Variants in FBH1 observed in about 807,000 individuals in gnomAD.
FBH1 encodes the protein F-box DNA helicase 1.
In FBH1, 43 loss-of-function variants were observed where a neutral mutation model predicts 115.5. The observed-to-expected ratio is 0.37, with a 90% CI of 0.29 to 0.48. The LOEUF (loss-of-function observed/expected upper bound fraction) is 0.48. FBH1 is among the 20% of genes least tolerant of loss of function. FBH1 has a pLI of 0.99. For synonymous variants in FBH1, 524 were observed against 507.8 expected (o/e 1.03, Z -0.43); for missense variants, 1,001 against 1,337.3 (o/e 0.75, Z 3.92).
chr10:5,898,224 C>T (rs1843124262), intron 1 of FBH1, among the ~76,000 whole-genome samples: 1 of 152,192 alleles, frequency 6.6e-6, no homozygotes, highest in South Asian at 2.1e-4. Flanking sequence ...GGCTGGAAGT[C>T]TAAGATCGAG....
At chr10:5,905,452 T>C (rs1843634105) in intron 2 of FBH1, among the ~76,000 whole-genome samples, 1 of 152,060 alleles carries the variant, frequency 6.6e-6, no homozygotes, top group Non-Finnish European at 1.5e-5. Context: ...TGGGAGGTGG[T>C]GGTTGCAGTG....
At chr10:5,930,202 TATC>T (rs1205008550) in intron 19 of FBH1, among the ~76,000 whole-genome samples, 2 of 152,346 alleles carry the variant, frequency 1.3e-5, no homozygotes, top group African/African-American at 4.8e-5. Flanking sequence ...TTATAAATGT[TATC>T]ATATGTGGCC....
At position 5,933,642 on chromosome 10, in the gene FBH1, G is replaced by GTT. The variant is rs371766916; in HGVS notation, c.2830-2799_2830-2798dup. On this transcript the variant is annotated intron_variant, in intron 19 of 20. Coordinates refer to ENST00000362091, the MANE Select transcript of FBH1 (RefSeq NM_178150.3). The surrounding 1 kb of genome is among the most constrained non-coding windows in gnomAD (Gnocchi z 4.9). ...TTGTTAGAAGTGGAGGCACTCTGCT[G>GTT]TTTTTTTTTTTTTTTTAAAAAACAG... is the stretch of plus-strand genomic sequence containing the variant. Among the ~76,000 whole-genome samples the GTT allele has an allele frequency of 2.6e-3, 372 of 143,388 alleles. 3 individuals carry two copies. Among genetic ancestry groups the GTT allele is most frequent in the African/African-American group, 8.6e-3 (339 of 39,620 alleles). 94.1% of individuals were successfully genotyped at this position (143,388 alleles called of 152,430 possible).
rs146670441 is a variant in FBH1, at chr10:5,906,431, T to A, written c.552T>A (p.Ala184=). Reference sequence around the variant, plus strand: ...AGTCTGGTGAAACCGACCAAGATGCTGGGGACGTGGGTCCTGATCCCATTC... The same window carrying A: ...AGTCTGGTGAAACCGACCAAGATGCAGGGGACGTGGGTCCTGATCCCATTC... ...SAESGETDQD[A]GDVGPDPIPD... Residue 184 remains alanine, a synonymous_variant, in exon 3 of 21, where the codon GCT becomes GCA. Transcript: ENST00000362091. The surrounding 1 kb of genome is among the most constrained non-coding windows in gnomAD (Gnocchi z 7.3). 6.2e-7 allele frequency: 1 copy of A among 1,614,190 alleles called. No homozygotes were observed. Among genetic ancestry groups the A allele is most frequent in the East Asian group, 2.2e-5 (1 of 44,886 alleles).
At position 5,914,419 on chromosome 10, in the gene FBH1, A is replaced by G. The variant is rs1298101000; in HGVS notation, c.1396+150A>G. Reference sequence around the variant, plus strand: ...GATCAAATAATCAATCTCAAAAGCAATTGGCCAAGGAATACTTACTTCCCC... The same window carrying G: ...GATCAAATAATCAATCTCAAAAGCAGTTGGCCAAGGAATACTTACTTCCCC... On this transcript the variant is annotated intron_variant, in intron 8 of 20. Coordinates refer to ENST00000362091, the MANE Select transcript of FBH1 (RefSeq NM_178150.3). This position sits in a 1 kb window ranked among gnomAD's most constrained non-coding sequence, Gnocchi z 5.2. 1 of 704,870 alleles carries G rather than the reference A, an allele frequency of 1.4e-6. No individual in the cohort carries two copies. Among genetic ancestry groups the G allele is most frequent in the Non-Finnish European group, 2.4e-6 (1 of 410,600 alleles). The allele number at this position is 704,870 out of a possible 1,614,324, so 43.7% of individuals were successfully genotyped here. A position where few individuals can be genotyped will look rare whatever the true frequency, so the allele number is the denominator to read the frequency against.
In FBH1 at chr10:5,936,518, C is replaced by T. The variant is rs376657323; in HGVS notation, c.2892C>T (p.Cys964=). ...NVLKTGVVRC[C]VGQCNNAIPV... ...TAAAAACAGGCGTGGTGCGCTGCTG[C>T]GTGGGACAGTGCAACAATGCCATCC... Residue 964 remains cysteine, a synonymous_variant, in exon 20 of 21, where the codon TGC becomes TGT. Coordinates refer to ENST00000362091, the MANE Select transcript of FBH1 (RefSeq NM_178150.3). This position sits in a 1 kb window ranked among gnomAD's most constrained non-coding sequence, Gnocchi z 5.6. 9.9e-6 allele frequency: 16 copies of T among 1,613,996 alleles called. No individual in the cohort carries two copies. Among genetic ancestry groups the T allele is most frequent in the Admixed American group, 6.7e-5 (4 of 60,000 alleles).
In FBH1 at chr10:5,895,230, C is replaced by T. The variant is rs1842942654; in HGVS notation, c.1+4884C>T. The T allele has an allele frequency of 6.3e-7, 1 of 1,577,780 alleles. No individual in the cohort carries two copies. The highest frequency in any genetic ancestry group is 1.1e-5 in the South Asian group (1 of 87,764). On this transcript the variant is annotated intron_variant, in intron 1 of 20. Coordinates refer to ENST00000362091, the MANE Select transcript of FBH1 (RefSeq NM_178150.3). The surrounding 1 kb of genome is among the most constrained non-coding windows in gnomAD (Gnocchi z 5.0). ...AACTGACCAGGGCGGTTAGCTGACT[C>T]CAAAATTGTCCAGATTAGCAAAACT...
chr10:5,895,214 G>T lies in FBH1; in HGVS notation c.1+4868G>T. 1 of 1,599,742 alleles carries T rather than the reference G, an allele frequency of 6.3e-7. No individual in the cohort carries two copies. The highest frequency in any genetic ancestry group is 8.5e-7 in the Non-Finnish European group (1 of 1,171,034). ...TAAGAGGCATGTGGGAAACTGACCA[G>T]GGCGGTTAGCTGACTCCAAAATTGT... On this transcript the variant is annotated intron_variant, in intron 1 of 20. Coordinates refer to ENST00000362091, the MANE Select transcript of FBH1 (RefSeq NM_178150.3). This position sits in a 1 kb window ranked among gnomAD's most constrained non-coding sequence, Gnocchi z 5.0.
rs1444489262 is a variant in FBH1, at chr10:5,909,352, TG to T, written c.1020+60del. 2 of 1,552,942 alleles carry T rather than the reference TG, an allele frequency of 1.3e-6. No homozygotes were observed. The highest frequency in any genetic ancestry group is 2.7e-5 in the African/African-American group (2 of 73,302). On this transcript the variant is annotated intron_variant, in intron 5 of 20. Coordinates refer to ENST00000362091, the MANE Select transcript of FBH1 (RefSeq NM_178150.3). The surrounding 1 kb of genome is among the most constrained non-coding windows in gnomAD (Gnocchi z 4.4). ...GTTATTTCACTGGAGGAAAGTGTACTGGTGATTCAGTTCAATTGAGGATGAC... is the reference window on the plus strand; with the variant it reads ...GTTATTTCACTGGAGGAAAGTGTACTGTGATTCAGTTCAATTGAGGATGAC...
rs979175353 is a variant in FBH1, at chr10:5,911,857, A to C, written c.1211+729A>C. Among the ~76,000 whole-genome samples the C allele has an allele frequency of 6.6e-6, 1 of 152,178 alleles. No homozygotes were observed. Among genetic ancestry groups the C allele is most frequent in the African/African-American group, 2.4e-5 (1 of 41,426 alleles). On this transcript the variant is annotated intron_variant, in intron 6 of 20. Transcript: ENST00000362091. This position sits in a 1 kb window ranked among gnomAD's most constrained non-coding sequence, Gnocchi z 5.4. ...AGCTTCTCTGAGCAGGTAGTGTCTG[A>C]GTGAAACCTGAGTGTGGAGGAGGAA...
rs1833072157 is a variant in FBH1, at chr10:5,933,263, C to T, written c.2830-3193C>T. Among the ~76,000 whole-genome samples, 1 of 152,122 alleles carries T rather than the reference C, an allele frequency of 6.6e-6. No homozygotes were observed. The highest frequency in any genetic ancestry group is 6.5e-5 in the Admixed American group (1 of 15,278). Reference sequence around the variant, plus strand: ...ATTAGCTGGGTGTAGTGGCGTATGCCTGTAATCCCAGCTACTCAGGAGGCT... The same window carrying T: ...ATTAGCTGGGTGTAGTGGCGTATGCTTGTAATCCCAGCTACTCAGGAGGCT... On this transcript the variant is annotated intron_variant, in intron 19 of 20. Transcript: ENST00000362091. The surrounding 1 kb of genome is among the most constrained non-coding windows in gnomAD (Gnocchi z 4.9).
chr10:5,928,993 C>T (rs1198884542), intron 19 of FBH1, among the ~76,000 whole-genome samples: 2 of 152,180 alleles, frequency 1.3e-5, no homozygotes, highest in Admixed American at 6.5e-5. Flanking sequence ...GGGGTTGAAC[C>T]ACAGGGTGCA....
Position 5,924,403 on chromosome 10 carries a change from A to G in FBH1, c.2491A>G (p.Lys831Glu). ...GAGGTATGTGACCGCTGCCGAGGAC[A>G]AGGAGCTTGAAGCCAAGATCGCAGT... Reference protein sequence around the residue: ...FKRYVTAAEDKELEAKIAVVE... With the variant: ...FKRYVTAAEDEELEAKIAVVE... Residue 831 changes from lysine (K) to glutamate (E), a missense_variant, in exon 17 of 21, where the codon AAG becomes GAG. By Grantham distance (56) the Lys-to-Glu change is moderately conservative (BLOSUM62 1). This residue lies in a region of FBH1 where 521 missense variants were observed against 811.0 expected (regional missense o/e 0.64). Coordinates refer to ENST00000362091, the MANE Select transcript of FBH1 (RefSeq NM_178150.3). The surrounding 1 kb of genome is among the most constrained non-coding windows in gnomAD (Gnocchi z 6.2). The G allele has an allele frequency of 2.5e-6, 4 of 1,614,234 alleles. No homozygotes were observed. The highest frequency in any genetic ancestry group is 3.4e-6 in the Non-Finnish European group (4 of 1,180,034).
chr10:5,893,699 ACTTTAT>A (rs1345728420), intron 1 of FBH1, among the ~76,000 whole-genome samples: 3 of 152,136 alleles, frequency 2.0e-5, no homozygotes, highest in South Asian at 2.1e-4. Flanking sequence ...TTGTTATATT[ACTTTAT>A]CTTTAGTAAC....
intron 15 of FBH1, among the ~76,000 whole-genome samples, chr10:5,922,226 A>G (rs772258746): frequency 2.6e-5 from 4 of 152,252 alleles, no homozygotes; most frequent in Admixed American, 6.5e-5. Flanking sequence ...TTTTGTTTAT[A>G]AAGACTATAT....
At position 5,925,644 on chromosome 10, in the gene FBH1, T is replaced by A. The variant is rs887782630; in HGVS notation, c.2722+152T>A. The A allele has an allele frequency of 1.2e-5, 14 of 1,172,588 alleles. No homozygotes were observed. The highest frequency in any genetic ancestry group is 1.7e-5 in the Non-Finnish European group (14 of 841,162). 72.6% of individuals were successfully genotyped at this position (1,172,588 alleles called of 1,614,324 possible). Reference sequence around the variant, plus strand: ...TAAACCACAAAACACCTCCTAGTCCTAAACTTTTGATTCTTATACTGTGGT... The same window carrying A: ...TAAACCACAAAACACCTCCTAGTCCAAAACTTTTGATTCTTATACTGTGGT... On this transcript the variant is annotated intron_variant, in intron 18 of 20. Coordinates refer to ENST00000362091, the MANE Select transcript of FBH1 (RefSeq NM_178150.3). This position sits in a 1 kb window ranked among gnomAD's most constrained non-coding sequence, Gnocchi z 4.6.
intron 13 of FBH1, among the ~76,000 whole-genome samples, chr10:5,919,686 C>T (rs1398103068): frequency 6.6e-6 from 1 of 152,176 alleles, no homozygotes; most frequent in Non-Finnish European, 1.5e-5. Context: ...AGATGTCTCA[C>T]TTGGATGAAA....
Position 5,924,006 on chromosome 10 carries a change from GATAGCGTC to G in FBH1, c.2399-304_2399-297del, listed in dbSNP as rs1832468755. On this transcript the variant is annotated intron_variant, in intron 16 of 20. Transcript: ENST00000362091. The surrounding 1 kb of genome is among the most constrained non-coding windows in gnomAD (Gnocchi z 6.2). ...TGATACTTCCACGTGGGCCCCAAGT[GATAGCGTC>G]GAGCATTTCTATAGCGCTTTTCTTT... 12 of 560,332 alleles carry G rather than the reference GATAGCGTC, an allele frequency of 2.1e-5. No homozygotes were observed. In the South Asian group the frequency reaches 2.5e-4, roughly 11 times the overall value. The allele number at this position is 560,332 out of a possible 1,614,324, so 34.7% of individuals were successfully genotyped here.
At chr10:5,893,053 C>A (rs986764483) in intron 1 of FBH1, among the ~76,000 whole-genome samples, 1 of 152,216 alleles carries the variant, frequency 6.6e-6, no homozygotes, top group African/African-American at 2.4e-5. Context: ...CGCCTGTAAT[C>A]CTACCACTTT....
Sources: allele counts gnomAD v4.1 joint callset (sites outside exome capture counted in the v4.1 genomes callset), GRCh38; gene constraint gnomAD v4.1.1; regional missense constraint gnomAD v4.1.1; non-coding constraint Gnocchi (gnomAD v3.1); transcripts MANE v1.5; gene names NCBI Gene and HGNC (gene_info 2026-07-23, HGNC 2026-07-21).